Variants in DPP6 observed in about 807,000 individuals in gnomAD.
The protein encoded by DPP6 is A-type potassium channel modulatory protein DPP6.
DPP6 carries 69 observed loss-of-function variants against 122.6 expected under a neutral mutation model. The ratio of observed to expected loss-of-function variants is 0.56; its 90% CI spans 0.46 to 0.69. DPP6 has a LOEUF of 0.69. Ranked by LOEUF, DPP6 falls within the 30% of genes least tolerant of loss-of-function variation. The probability of loss-of-function intolerance (pLI) is 0.00; values close to 1 mark genes in which losing one functional copy is unlikely to be tolerated. For synonymous variants in DPP6, 418 were observed against 433.1 expected, an observed-to-expected ratio of 0.97 and a Z score of 0.43; for missense variants, 928 against 1,116.9, an observed-to-expected ratio of 0.83 and a Z score of 2.41.
At chr7:154,480,954 G>A (rs1823216486) in intron 3 of DPP6, among the ~76,000 whole-genome samples, 1 of 152,110 alleles carries the variant, frequency 6.6e-6, no homozygotes, top group Non-Finnish European at 1.5e-5. Context: ...AATCCTGCCA[G>A]CTCTGCCTTC....
intron 10 of DPP6, among the ~76,000 whole-genome samples, chr7:154,773,184 C>T (rs1239866458): frequency 2.0e-5 from 3 of 152,172 alleles, no homozygotes; most frequent in Non-Finnish European, 2.9e-5. Flanking sequence ...GAGAGCTGGG[C>T]TCCTCTGGGA....
chr7:154,655,427 AT>A (rs35879825), intron 6 of DPP6, among the ~76,000 whole-genome samples: 14 of 151,316 alleles, frequency 9.3e-5, no homozygotes, highest in Admixed American at 1.3e-4. Flanking sequence ...TTCCTTCATC[AT>A]TTTTTTTTAA....
chr7:154,799,835 A>G (rs1402223844), intron 12 of DPP6, among the ~76,000 whole-genome samples: 1 of 152,230 alleles, frequency 6.6e-6, no homozygotes, highest in Non-Finnish European at 1.5e-5. Flanking sequence ...CTGGTCAACA[A>G]TCATTGCACT....
At chr7:154,747,513 G>A (rs895604875) in intron 8 of DPP6, among the ~76,000 whole-genome samples, 3 of 152,180 alleles carry the variant, frequency 2.0e-5, no homozygotes, top group Admixed American at 2.0e-4. Context: ...TCTGTAAGAT[G>A]GAACTAGCAG....
intron 1 of DPP6, among the ~76,000 whole-genome samples, chr7:153,964,998 T>TCC (rs1177081849): frequency 0.098 from 5,554 of 56,666 alleles, 510 homozygotes; most frequent in African/African-American, 0.22. Context: ...CTTCCTTCCT[T>TCC]TCTTCCTTCC....
At chr7:154,101,371 C>G (rs1323603220) in intron 1 of DPP6, among the ~76,000 whole-genome samples, 4 of 148,648 alleles carry the variant, frequency 2.7e-5, no homozygotes, top group Non-Finnish European at 4.5e-5. Context: ...CTTTCTCTTT[C>G]TCCTTCCATC....
chr7:154,044,532 T>C (rs1191675308), intron 1 of DPP6, among the ~76,000 whole-genome samples: 1 of 152,218 alleles, frequency 6.6e-6, no homozygotes, highest in Non-Finnish European at 1.5e-5. Flanking sequence ...GATATTTGCC[T>C]ATAAATATTA....
intron 17 of DPP6, among the ~76,000 whole-genome samples, chr7:154,859,132 C>T (rs575595633): frequency 2.1e-4 from 32 of 152,364 alleles, no homozygotes; most frequent in African/African-American, 7.2e-4. Context: ...CTCACAGCAG[C>T]AGCCTCTGTG....
At chr7:153,749,275 T>G in the DPP6 span, among the ~76,000 whole-genome samples, 1 of 152,058 alleles carries the variant, frequency 6.6e-6, no homozygotes, top group African/African-American at 2.4e-5. This position sits in a 1 kb window ranked among gnomAD's most constrained non-coding sequence, Gnocchi z 4.1. Flanking sequence ...GGGCTGGAGA[T>G]CCTACCCTGC....
intron 2 of DPP6, among the ~76,000 whole-genome samples, chr7:154,447,408 C>G (rs1308322473): frequency 6.6e-6 from 1 of 151,968 alleles, no homozygotes; most frequent in Non-Finnish European, 1.5e-5. Flanking sequence ...ATAGTAGATG[C>G]CTATTTGTGC....
intron 3 of DPP6, among the ~76,000 whole-genome samples, chr7:154,517,203 T>C (rs542893668): frequency 6.6e-6 from 1 of 152,240 alleles, no homozygotes; most frequent in South Asian, 2.1e-4. Flanking sequence ...CCACAGTCAG[T>C]ATTTATTTGG....
At chr7:154,081,403 C>T (rs1404829617) in intron 1 of DPP6, among the ~76,000 whole-genome samples, 4 of 135,624 alleles carry the variant, frequency 2.9e-5, no homozygotes, top group Non-Finnish European at 5.0e-5. Flanking sequence ...ATCCTATTAG[C>T]GTACTTTTGA....
chr7:154,060,654 A>C (rs1305067615), intron 1 of DPP6, among the ~76,000 whole-genome samples: 3 of 110,410 alleles, frequency 2.7e-5, no homozygotes, highest in Non-Finnish European at 3.8e-5. Flanking sequence ...GGCACCCCCC[A>C]CGAGAGTGGC....
At chr7:153,966,083 G>A (rs1453279350) in intron 1 of DPP6, among the ~76,000 whole-genome samples, 1 of 123,488 alleles carries the variant, frequency 8.1e-6, no homozygotes, top group Non-Finnish European at 1.7e-5. Context: ...CGTAGTGACA[G>A]ATGGGATGTG....
chr7:154,573,923 T>G (rs1336416942), intron 5 of DPP6, among the ~76,000 whole-genome samples: 1 of 152,180 alleles, frequency 6.6e-6, no homozygotes, highest in Non-Finnish European at 1.5e-5. Flanking sequence ...AGGAAAGAGA[T>G]TGTTTCTGTT....
At chr7:153,841,339 C>G in the DPP6 span, among the ~76,000 whole-genome samples, 1 of 152,200 alleles carries the variant, frequency 6.6e-6, no homozygotes, top group South Asian at 2.1e-4. Flanking sequence ...GAAAGTCTCA[C>G]CTCACATGTG....
At chr7:154,696,125 G>A (rs1248004880) in intron 7 of DPP6, among the ~76,000 whole-genome samples, 1 of 152,198 alleles carries the variant, frequency 6.6e-6, no homozygotes, top group East Asian at 1.9e-4. Context: ...GATCCTCAGA[G>A]CCCCGCCTCA....
rs537931255 is a variant in DPP6 at position 154,409,560 on chromosome 7, G to A, written c.244-36654G>A. ...CCAATTCTATGTTGTTTATATCGTG[G>A]CTCAAATGATTCCAGCTTTGACGTG... On this transcript the variant is annotated intron_variant, in intron 1 of 25. Coordinates refer to ENST00000377770, the MANE Select transcript of DPP6 (RefSeq NM_130797.4). 3.4e-3 allele frequency among the ~76,000 whole-genome samples: 524 copies of A among 152,228 alleles called. 3 individuals are homozygous for A. The highest frequency in any genetic ancestry group is 5.2e-3 in the Non-Finnish European group (357 of 68,018).
At chr7:154,047,852 G>A (rs1215658440), upstream of DPP6, among the ~76,000 whole-genome samples, 5 of 148,034 alleles carry the variant, frequency 3.4e-5, no homozygotes, top group East Asian at 5.9e-4. Context: ...GAGAAGAGTC[G>A]ATTATGGTTC....
Sources: gnomAD v4.1 joint callset for allele counts (sites outside exome capture counted in the v4.1 genomes callset) on GRCh38, gnomAD v4.1.1 for gene constraint, Gnocchi (gnomAD v3.1) non-coding constraint, MANE v1.5 for transcripts, NCBI Gene and HGNC (gene_info 2026-07-23, HGNC 2026-07-21) for gene names.